Variants in NTRK2 observed in about 807,000 individuals in gnomAD.
NTRK2 encodes BDNF/NT-3 growth factors receptor.
Under a neutral mutation model 94.5 loss-of-function variants are expected in NTRK2, and 13 were observed. That is an observed-to-expected ratio of 0.14 (90% CI 0.09 to 0.22). The LOEUF is 0.22. NTRK2 is among the 10% of genes least tolerant of loss of function. NTRK2 has a pLI of 1.00. For missense variants in NTRK2, 639 were observed against 1,071.2 expected (o/e 0.60, Z 5.63); for synonymous variants, 372 against 407.4 (o/e 0.91, Z 1.05).
At position 84,888,982 on chromosome 9, in the gene NTRK2, A is replaced by ATTTTTTTTTTTTTTTTTT. The variant is rs71369159; in HGVS notation, c.1633+21560_1633+21577dup. 1.8e-3 allele frequency among the ~76,000 whole-genome samples: 182 copies of ATTTTTTTTTTTTTTTTTT among 101,704 alleles called. 55 individuals carry two copies. The highest frequency in any genetic ancestry group is 4.9e-3 in the Middle Eastern group (1 of 204). 66.7% of individuals were successfully genotyped at this position (101,704 alleles called of 152,430 possible). A position where few individuals can be genotyped will look rare whatever the true frequency, so the allele number is the denominator to read the frequency against. On this transcript the variant is annotated intron_variant, in intron 14 of 18. Coordinates refer to ENST00000277120, the MANE Select transcript of NTRK2 (RefSeq NM_006180.6). The stretch of plus-strand genomic sequence containing the variant: ...TCCCCATTATTTATTAATGACAGAA[A>ATTTTTTTTTTTTTTTTTT]TTTTTTTTTTTTTTTTTTTTTTTTT...
intron 17 of NTRK2, among the ~76,000 whole-genome samples, chr9:84,992,522 C>T (rs1167730743): frequency 1.3e-5 from 2 of 152,066 alleles, no homozygotes; most frequent in African/African-American, 4.8e-5. Context: ...TGTCCAGATC[C>T]TGTGGATTTG....
At chr9:84,996,751 A>T (rs1016894757) in intron 17 of NTRK2, among the ~76,000 whole-genome samples, 1 of 152,192 alleles carries the variant, frequency 6.6e-6, no homozygotes, top group African/African-American at 2.4e-5. Context: ...TTGTATACAG[A>T]GGAGATGAAA....
intron 17 of NTRK2, among the ~76,000 whole-genome samples, chr9:84,973,231 G>A (rs952092773): frequency 6.6e-6 from 1 of 152,172 alleles, no homozygotes; most frequent in East Asian, 1.9e-4. Context: ...AGAAAAAGGG[G>A]AAAATGGTAA....
chr9:84,702,466 A>AT, intron 4 of NTRK2, 47 bp downstream of exon 4: 2 of 1,464,078 alleles, frequency 1.4e-6, no homozygotes, highest in Non-Finnish European at 1.9e-6. Context: ...ATTTTATTCA[A>AT]TATTTCCCCC....
chr9:84,670,915 C>A lies in NTRK2; in HGVS notation c.167C>A (p.Pro56Gln). 6.2e-7 allele frequency: 1 copy of A among 1,610,176 alleles called. No individual in the cohort carries two copies. Among genetic ancestry groups the A allele is most frequent in the Non-Finnish European group, 8.5e-7 (1 of 1,180,004 alleles). Residue 56 changes from proline (P) to glutamine (Q), a missense_variant, in exon 2 of 19, where the codon CCG (proline) becomes CAG (glutamine). This residue lies in a region of NTRK2 where 206 missense variants were observed against 251.5 expected (regional missense o/e 0.82). Coordinates refer to ENST00000277120, the MANE Select transcript of NTRK2 (RefSeq NM_006180.6). ...CCTTCTCCTGGCATCGTGGCATTTC[C>A]GAGATTGGAGCCTAACAGTGTAGAT... ...SDPSPGIVAF[P>Q]RLEPNSVDPE...
chr9:84,764,720 A>G (rs1041300762), intron 12 of NTRK2, among the ~76,000 whole-genome samples: 9 of 152,202 alleles, frequency 5.9e-5, no homozygotes, highest in Non-Finnish European at 8.8e-5. Context: ...TATTTACCCA[A>G]AAGAAAGGAA....
At chr9:84,936,113 T>C (rs1587982280) in intron 15 of NTRK2, among the ~76,000 whole-genome samples, 1 of 152,192 alleles carries the variant, frequency 6.6e-6, no homozygotes, top group Admixed American at 6.5e-5. Flanking sequence ...AAAGAAATCC[T>C]GGGAGACTAG....
chr9:84,734,360 T>A (rs1348833658), intron 9 of NTRK2, among the ~76,000 whole-genome samples: 1 of 152,226 alleles, frequency 6.6e-6, no homozygotes, highest in Non-Finnish European at 1.5e-5. Context: ...CTGTAGCCAT[T>A]AGGGAGCAGC....
At chr9:84,948,809 G>A (rs2078683728) in intron 16 of NTRK2, among the ~76,000 whole-genome samples, 175 bp downstream of exon 16, 2 of 152,174 alleles carry the variant, frequency 1.3e-5, no homozygotes, top group African/African-American at 2.4e-5. Context: ...TGACAGTCTT[G>A]TTCTTTTTCC....
intron 2 of NTRK2, among the ~76,000 whole-genome samples, chr9:84,700,998 G>T (rs1026573212): frequency 6.6e-5 from 10 of 152,078 alleles, no homozygotes; most frequent in Non-Finnish European, 2.9e-5. Context: ...TGCATATTAA[G>T]AATTATAAAA....
intron 17 of NTRK2, among the ~76,000 whole-genome samples, chr9:85,006,503 G>A (rs1384929782): frequency 6.6e-6 from 1 of 152,210 alleles, no homozygotes; most frequent in Non-Finnish European, 1.5e-5. Flanking sequence ...CTCACCCTGG[G>A]GAAATTCTGT....
intron 10 of NTRK2, among the ~76,000 whole-genome samples, chr9:84,744,192 C>G (rs911114404): frequency 1.3e-5 from 2 of 151,948 alleles, no homozygotes; most frequent in African/African-American, 4.8e-5. Flanking sequence ...TTTGACAACC[C>G]CTGAAAAAAA....
intron 12 of NTRK2, among the ~76,000 whole-genome samples, chr9:84,775,503 T>C (rs17327368): frequency 0.025 from 3,869 of 152,312 alleles, 75 homozygotes; most frequent in Admixed American, 0.046. Context: ...GTCCACAGAC[T>C]CTTGGCGTAA....
chr9:84,697,162 C>T (rs1302866317), intron 2 of NTRK2, among the ~76,000 whole-genome samples: 3 of 152,112 alleles, frequency 2.0e-5, no homozygotes, highest in African/African-American at 4.8e-5. Context: ...ATTTAAGGGC[C>T]GCTGACTTGC....
chr9:84,708,706 G>A (rs1041250070), intron 5 of NTRK2, among the ~76,000 whole-genome samples: 2 of 152,202 alleles, frequency 1.3e-5, no homozygotes, highest in African/African-American at 4.8e-5. Context: ...CTGAATTGTG[G>A]AGTCTTTTTA....
At chr9:84,863,707 AC>A (rs1167553399) in intron 13 of NTRK2, among the ~76,000 whole-genome samples, 1 of 152,226 alleles carries the variant, frequency 6.6e-6, no homozygotes, top group Non-Finnish European at 1.5e-5. Context: ...AAACCCTGCA[AC>A]CTTGCCAGCC....
intron 12 of NTRK2, among the ~76,000 whole-genome samples, chr9:84,840,009 C>G (rs770648799): frequency 6.6e-6 from 1 of 152,084 alleles, no homozygotes; most frequent in South Asian, 2.1e-4. Flanking sequence ...TTTCATTCCT[C>G]GTTCTTTCCC....
intron 6 of NTRK2, among the ~76,000 whole-genome samples, chr9:84,722,722 A>C (rs895638459): frequency 6.6e-6 from 1 of 152,214 alleles, no homozygotes; most frequent in African/African-American, 2.4e-5. Flanking sequence ...AGTTGGTGTG[A>C]TAATTTCATG....
rs146776773 is a variant in NTRK2 at position 85,018,092 on chromosome 9, T to A, written c.2173-2114T>A. ...AGAGGTTCCCATAAAATGCTTGCTG[T>A]GTGGATGAAAATGGTCTGTTAAAAT... is the stretch of plus-strand genomic sequence containing the variant. On this transcript the variant is annotated intron_variant, in intron 17 of 18. Coordinates refer to ENST00000277120, the MANE Select transcript of NTRK2 (RefSeq NM_006180.6). Among the ~76,000 whole-genome samples, 11 of 152,226 alleles carry A rather than the reference T, an allele frequency of 7.2e-5. No homozygotes were observed. The East Asian group carries it at 1.9e-3, about 27-fold the overall frequency.
Sources: gnomAD v4.1 joint callset for allele counts (sites outside exome capture counted in the v4.1 genomes callset) on GRCh38, gnomAD v4.1.1 for gene constraint, gnomAD v4.1.1 regional missense constraint, MANE v1.5 for transcripts, NCBI Gene and HGNC (gene_info 2026-07-23, HGNC 2026-07-21) for gene names.